PWWP2A: variants seen among roughly 807,000 people sequenced by gnomAD.
PWWP2A encodes PWWP domain containing 2A.
Under a neutral mutation model 48.5 loss-of-function variants are expected in PWWP2A, and 18 were observed. The observed-to-expected ratio is 0.37, with a 90% confidence interval of 0.26 to 0.55. The LOEUF (loss-of-function observed/expected upper bound fraction) is 0.55. PWWP2A is among the 20% of genes least tolerant of loss of function. The pLI is 0.81. For missense variants in PWWP2A, 867 were observed against 976.4 expected (o/e 0.89, Z 1.49); for synonymous variants, 396 against 387.7 (o/e 1.02, Z -0.25).
chr5:160,107,599 T>A (rs1374830225), intron 1 of PWWP2A, among the ~76,000 whole-genome samples: 1 of 152,204 alleles, frequency 6.6e-6, no homozygotes, highest in Admixed American at 6.5e-5. Context: ...ATAAACTCTT[T>A]AGTAGTCCCA....
At chr5:160,106,249 C>T (rs1322040586) in intron 1 of PWWP2A, among the ~76,000 whole-genome samples, 1 of 152,174 alleles carries the variant, frequency 6.6e-6, no homozygotes, top group Admixed American at 6.5e-5. Context: ...TTCAAAAAGG[C>T]ATCTTGAATA....
chr5:160,117,376 C>T (rs918543011), intron 1 of PWWP2A, among the ~76,000 whole-genome samples: 1 of 152,188 alleles, frequency 6.6e-6, no homozygotes, highest in African/African-American at 2.4e-5. Context: ...TACTTGAGGC[C>T]GGGCACGGCG....
downstream of PWWP2A, among the ~76,000 whole-genome samples, chr5:160,071,946 C>A (rs1363607901): frequency 6.6e-6 from 1 of 152,188 alleles, no homozygotes; most frequent in Admixed American, 6.5e-5. Flanking sequence ...TGTGGATACT[C>A]TGTACTTGAT....
chr5:160,116,815 G>A (rs1003346916), intron 1 of PWWP2A: 84 of 984,122 alleles, frequency 8.5e-5, no homozygotes, highest in East Asian at 2.3e-4. Context: ...AGTAGAGGCC[G>A]GGCGAGGTGG....
chr5:160,093,807 T>C lies in PWWP2A; in HGVS notation c.843A>G (p.Thr281=), dbSNP rs376173953. 64 of 1,613,946 alleles carry C rather than the reference T, an allele frequency of 4.0e-5. No individual in the cohort carries two copies. The highest frequency in any genetic ancestry group is 5.3e-5 in the Non-Finnish European group (63 of 1,179,912). ...GTGGCTGAGGTATTGATTGGTTATA[T>C]GTGTCCCTGATAAACAAAGGGGGAG... ...PYPPPLFIRD[T]YNQSIPQPPP... is the part of the protein sequence containing the mutation. The change falls in exon 2 of 2, where the codon ACA becomes ACG. Residue 281 remains threonine, a synonymous_variant. Transcript: ENST00000307063. This position sits in a 1 kb window ranked among gnomAD's most constrained non-coding sequence, Gnocchi z 5.8.
In PWWP2A at chr5:160,078,302, A is replaced by AC; in HGVS notation, c.1670-135dup. On this transcript the variant is annotated intron_variant, in intron 3 of 3. Coordinates refer to the PWWP2A transcript ENST00000456329. The surrounding 1 kb of genome is among the most constrained non-coding windows in gnomAD (Gnocchi z 4.2). ...TGATTTTTTCTTTTAAATCGGTTAAACCTGACCGATGTTGTTTTGAGAAAA... is the reference window on the plus strand; with the variant it reads ...TGATTTTTTCTTTTAAATCGGTTAAACCCTGACCGATGTTGTTTTGAGAAAA... The AC allele has an allele frequency of 1.5e-6, 1 of 679,810 alleles. No individual in the cohort carries two copies. Among genetic ancestry groups the AC allele is most frequent in the Non-Finnish European group, 2.6e-6 (1 of 389,356 alleles). The allele number at this position is 679,810 out of a possible 1,614,324, so 42.1% of individuals were successfully genotyped here. A position where few individuals can be genotyped will look rare whatever the true frequency, so the allele number is the denominator to read the frequency against.
In PWWP2A at chr5:160,118,974, C is replaced by T; in HGVS notation, c.415G>A (p.Val139Ile). 1 of 1,596,328 alleles carries T rather than the reference C, an allele frequency of 6.3e-7. No individual in the cohort carries two copies. The highest frequency in any genetic ancestry group is 8.5e-7 in the Non-Finnish European group (1 of 1,173,392). ...EREEPPLPQP[V>I]APALVPPAGG... is the part of the protein sequence containing the mutation. Reference sequence around the variant, plus strand: ...GCCGGCGGCACGAGCGCCGGGGCTACGGGCTGAGGCAGCGGCGGCTCCTCG... The same window carrying T: ...GCCGGCGGCACGAGCGCCGGGGCTATGGGCTGAGGCAGCGGCGGCTCCTCG... The change falls in exon 1 of 2, where the codon GTA becomes ATA. Residue 139 changes from valine (V) to isoleucine (I), a missense_variant. By Grantham distance (29) the Val-to-Ile change is conservative (BLOSUM62 3). This residue lies in a region of PWWP2A where 385 missense variants were observed against 396.9 expected (regional missense o/e 0.97). Transcript: ENST00000307063.
exon 3 of PWWP2A, chr5:160,080,704 G>A (rs1322793057): frequency 1.3e-6 from 2 of 1,574,518 alleles, no homozygotes; most frequent in Middle Eastern, 1.7e-4. Flanking sequence ...ACAGTGGTCT[G>A]TCAGACACTG....
At chr5:160,090,052 G>A (rs1341004355), downstream of PWWP2A, 3 of 985,370 alleles carry the variant, frequency 3.0e-6, no homozygotes, top group Non-Finnish European at 3.6e-6. Context: ...AATGAAATAT[G>A]CCAGACTGCC....
intron 1 of PWWP2A, among the ~76,000 whole-genome samples, chr5:160,112,860 T>C (rs1483980612): frequency 1.3e-5 from 2 of 152,048 alleles, no homozygotes; most frequent in Non-Finnish European, 2.9e-5. Flanking sequence ...GTACCAATAT[T>C]AGAAATTAAA....
At chr5:160,102,520 G>A (rs1031831534) in intron 1 of PWWP2A, among the ~76,000 whole-genome samples, 11 of 151,894 alleles carry the variant, frequency 7.2e-5, no homozygotes, top group African/African-American at 2.7e-4. Context: ...GGGCAACACA[G>A]TGAGACCTGA....
At chr5:160,080,511 C>T (rs1443129270) in intron 3 of PWWP2A, 1 of 791,982 alleles carries the variant, frequency 1.3e-6, no homozygotes, top group Non-Finnish European at 1.8e-6. Flanking sequence ...ACACGAGGCA[C>T]ACCCGGCTAC....
At chr5:160,045,520 A>ACACACACACACACTCT in the PWWP2A span, among the ~76,000 whole-genome samples, 6 of 54,884 alleles carry the variant, frequency 1.1e-4, no homozygotes, top group Non-Finnish European at 1.6e-4. Context: ...ACACATACAC[A>ACACACACACACACTCT]CTCTCTCTCT....
chr5:160,078,132 A>AG lies in PWWP2A; in HGVS notation c.*22dup. ...GGTGTTCTCTGTGTCATTGTGGTAC[A>AG]GGTCCATGAAACCAGCAGCCTGCTA... On this transcript the variant is annotated 3_prime_UTR_variant, in exon 4 of 4. Transcript: ENST00000456329. This position sits in a 1 kb window ranked among gnomAD's most constrained non-coding sequence, Gnocchi z 4.2. 6.4e-7 allele frequency: 1 copy of AG among 1,552,092 alleles called. No homozygotes were observed. Among genetic ancestry groups the AG allele is most frequent in the Non-Finnish European group, 8.7e-7 (1 of 1,143,934 alleles).
downstream of PWWP2A, among the ~76,000 whole-genome samples, chr5:160,087,903 T>C (rs1000564017): frequency 6.6e-6 from 1 of 152,204 alleles, no homozygotes; most frequent in Non-Finnish European, 1.5e-5. Context: ...CAATTATCCA[T>C]GGTAAAGACA....
At chr5:160,073,001 T>C (rs1233113041), downstream of PWWP2A, among the ~76,000 whole-genome samples, 1 of 37,106 alleles carries the variant, frequency 2.7e-5, no homozygotes, top group East Asian at 9.4e-4. Flanking sequence ...CGAGGCTCCG[T>C]CTCAAAAAAA....
chr5:160,093,562 T>C lies in PWWP2A; in HGVS notation c.1088A>G (p.Lys363Arg). ...RRNESVTTVN[K>R]KLKTDHKVDG... is the part of the protein sequence containing the mutation. ...CACTTTATGGTCAGTTTTCAGTTTT[T>C]TGTTCACAGTAGTTACACTTTCATT... Residue 363 changes from lysine (K) to arginine (R), a missense_variant, in exon 2 of 2, where the codon AAA becomes AGA. Coordinates refer to ENST00000307063, the MANE Select transcript of PWWP2A (RefSeq NM_001130864.2). The surrounding 1 kb of genome is among the most constrained non-coding windows in gnomAD (Gnocchi z 5.8). 2 of 1,613,462 alleles carry C rather than the reference T, an allele frequency of 1.2e-6. No individual in the cohort carries two copies. Among genetic ancestry groups the C allele is most frequent in the Non-Finnish European group, 1.7e-6 (2 of 1,179,784 alleles).
the PWWP2A span, among the ~76,000 whole-genome samples, chr5:160,052,529 C>T: frequency 4.1e-5 from 4 of 96,792 alleles, no homozygotes; most frequent in African/African-American, 1.2e-4. Context: ...TTTTTACTAA[C>T]AATGATGCTC....
intron 1 of PWWP2A, among the ~76,000 whole-genome samples, chr5:160,110,182 G>A (rs867047032): frequency 6.6e-5 from 10 of 151,236 alleles, no homozygotes; most frequent in Middle Eastern, 3.4e-3. Flanking sequence ...CACCACAGCC[G>A]GCTAATTTTT....
Sources: allele counts gnomAD v4.1 joint callset (sites outside exome capture counted in the v4.1 genomes callset), GRCh38; gene constraint gnomAD v4.1.1; regional missense constraint gnomAD v4.1.1; non-coding constraint Gnocchi (gnomAD v3.1); transcripts MANE v1.5; gene names NCBI Gene and HGNC (gene_info 2026-07-23, HGNC 2026-07-21).